DOCK7: variants seen among roughly 807,000 people sequenced by gnomAD.
DOCK7 encodes the protein dedicator of cytokinesis 7, also known as dedicator of cytokinesis protein 7.
In DOCK7, 138 loss-of-function variants were observed where a neutral mutation model predicts 271.0. The ratio of observed to expected loss-of-function variants is 0.51; its 90% CI spans 0.44 to 0.59. The LOEUF (loss-of-function observed/expected upper bound fraction) is 0.59. DOCK7 is among the 20% of genes least tolerant of loss of function. DOCK7 has a pLI of 0.00. For missense variants in DOCK7, 2,066 were observed against 2,592.4 expected (o/e 0.80, Z 4.41); for synonymous variants, 823 against 876.1 (o/e 0.94, Z 1.07).
chr1:62,601,288 A>C (rs1006595857), intron 14 of DOCK7: 12 of 905,044 alleles, frequency 1.3e-5, no homozygotes, highest in African/African-American at 3.3e-5. Flanking sequence ...TAGTTAAGAG[A>C]TATCCATCAA....
intron 19 of DOCK7, among the ~76,000 whole-genome samples, chr1:62,561,157 A>G (rs56094630): frequency 0.037 from 5,584 of 152,268 alleles, 255 homozygotes; most frequent in African/African-American, 0.11. Flanking sequence ...ACTCCAATTC[A>G]TAAGTCAAAT....
Position 62,648,310 on chromosome 1 carries a change from A to T in DOCK7, c.528T>A (p.Leu176=), listed in dbSNP as rs371502523. 1.0e-5 allele frequency: 16 copies of T among 1,602,624 alleles called. No homozygotes were observed. The highest frequency in any genetic ancestry group is 1.2e-5 in the Non-Finnish European group (14 of 1,173,774). ...CATCTATTGACATTGAACGTCTTTTAAGGTCATCCTGTCATGCAAAACATT... is the reference window on the plus strand; with the variant it reads ...CATCTATTGACATTGAACGTCTTTTTAGGTCATCCTGTCATGCAAAACATT... The part of the protein sequence containing the change: ...GNSYQDDQDD[L]KRRSMSIDDT... The change falls in exon 6 of 50, where the codon CTT becomes CTA. Residue 176 remains leucine, a synonymous_variant. Transcript: ENST00000635253.
chr1:62,670,482 G>A (rs1324833940), intron 1 of DOCK7, among the ~76,000 whole-genome samples: 3 of 152,178 alleles, frequency 2.0e-5, no homozygotes, highest in African/African-American at 4.8e-5. Context: ...CTGCTCTGGT[G>A]AGGACGTGGA....
chr1:62,668,852 G>C (rs1200357965), intron 1 of DOCK7, among the ~76,000 whole-genome samples: 1 of 151,400 alleles, frequency 6.6e-6, no homozygotes, highest in Non-Finnish European at 1.5e-5. Flanking sequence ...TTGAGCCCAG[G>C]AGGTCAAGGC....
At chr1:62,457,749 T>C in intron 48 of DOCK7, 44 bp from the exon 49 acceptor site, 1 of 1,590,720 alleles carries the variant, frequency 6.3e-7, no homozygotes, top group Admixed American at 1.8e-5. Flanking sequence ...TCTGGCATAG[T>C]TTGTGGGTTT....
intron 7 of DOCK7, among the ~76,000 whole-genome samples, chr1:62,646,018 G>A (rs1190600476): frequency 6.6e-6 from 1 of 151,944 alleles, no homozygotes; most frequent in Non-Finnish European, 1.5e-5. Context: ...GTGGTGACAT[G>A]CACCTGTAAT....
chr1:62,588,694 G>A (rs1378169169), intron 14 of DOCK7, among the ~76,000 whole-genome samples: 1 of 151,958 alleles, frequency 6.6e-6, no homozygotes, highest in African/African-American at 2.4e-5. Context: ...TATGAAATTA[G>A]TAGACGATGA....
intron 41 of DOCK7, chr1:62,492,394 T>A (rs1646493317): frequency 7.3e-6 from 2 of 272,750 alleles, no homozygotes; most frequent in South Asian, 4.2e-5. Flanking sequence ...GCTCAAGCAA[T>A]CCTCCCACCT....
intron 22 of DOCK7, among the ~76,000 whole-genome samples, chr1:62,548,057 T>C (rs537225186): frequency 6.6e-6 from 1 of 152,230 alleles, no homozygotes; most frequent in African/African-American, 2.4e-5. Flanking sequence ...AAATATCTAC[T>C]GAGCACCTTG....
intron 8 of DOCK7, chr1:62,635,160 T>G (rs895858693): frequency 1.6e-5 from 5 of 305,134 alleles, no homozygotes; most frequent in Non-Finnish European, 1.8e-5. Context: ...TATCTACAGA[T>G]AGTAGGATAT....
rs150747154 is a variant in DOCK7 at position 62,572,324 on chromosome 1, C to T, written c.2112+4938G>A. Among the ~76,000 whole-genome samples the T allele has an allele frequency of 2.9e-4, 44 of 152,268 alleles. No individual in the cohort carries two copies. The East Asian group carries it at 8.1e-3, about 28-fold the overall frequency. On this transcript the variant is annotated intron_variant, in intron 18 of 49. Coordinates refer to ENST00000635253, the MANE Select transcript of DOCK7 (RefSeq NM_001367561.1). ...ATGGTGTAATAGTAGCAAACACTTC[C>T]GTAGCACTTTCCAAGTGCCTGGCAC...
At chr1:62,600,031 CAT>C (rs1287519674) in intron 14 of DOCK7, among the ~76,000 whole-genome samples, 2 of 151,850 alleles carry the variant, frequency 1.3e-5, no homozygotes, top group African/African-American at 4.8e-5. Context: ...ACTAAACAAA[CAT>C]AATGTTAGTA....
At chr1:62,501,992 A>T (rs1646797863) in intron 37 of DOCK7, among the ~76,000 whole-genome samples, 1 of 152,182 alleles carries the variant, frequency 6.6e-6, no homozygotes, top group Non-Finnish European at 1.5e-5. Flanking sequence ...TCAATTTTTT[A>T]AACCATTCAA....
At chr1:62,485,524 T>C in intron 43 of DOCK7, 1 of 985,426 alleles carries the variant, frequency 1.0e-6, no homozygotes, top group Non-Finnish European at 1.2e-6. Flanking sequence ...CAGATTATCC[T>C]TACTGGACTT....
rs375975354 is a variant in DOCK7, at chr1:62,518,897, C to T, written c.3937-4999G>A. Among the ~76,000 whole-genome samples the T allele has an allele frequency of 2.6e-5, 4 of 151,456 alleles. No homozygotes were observed. In the East Asian group the frequency reaches 5.8e-4, roughly 22 times the overall value. ...AACTCTAGTGAAAGAGAGAGATTAA[C>T]AAACCAGATTTTTAAGATACAAGAA... On this transcript the variant is annotated intron_variant, in intron 31 of 49. Coordinates refer to ENST00000635253, the MANE Select transcript of DOCK7 (RefSeq NM_001367561.1).
chr1:62,685,826 G>C (rs1661658870), intron 1 of DOCK7, among the ~76,000 whole-genome samples: 2 of 152,142 alleles, frequency 1.3e-5, no homozygotes, highest in Non-Finnish European at 2.9e-5. Flanking sequence ...AGACTCCTCA[G>C]TCCGCCTCAC....
rs1252344753 is a variant in DOCK7, at chr1:62,539,554, G to C, written c.3291C>G (p.Cys1097Trp). The stretch of plus-strand genomic sequence containing the variant: ...CCTAACTATGCATTACCTGTTTATA[G>C]CAGGACTTTATAAGGCTAAAAACAA... The part of the protein sequence containing the change: ...RGFVFSLIKS[C>W]YKQVSSKLYS... The change falls in exon 27 of 50, where the codon TGC becomes TGG. Residue 1097 changes from cysteine to tryptophan, a missense_variant. Physicochemically the swap from Cys to Trp is radical, Grantham distance 215 (BLOSUM62 -2). Coordinates refer to ENST00000635253, the MANE Select transcript of DOCK7 (RefSeq NM_001367561.1). 1 of 1,608,398 alleles carries C rather than the reference G, an allele frequency of 6.2e-7. No homozygotes were observed. The highest frequency in any genetic ancestry group is 2.2e-5 in the East Asian group (1 of 44,814).
intron 18 of DOCK7, among the ~76,000 whole-genome samples, chr1:62,571,479 T>C (rs994639954): frequency 6.6e-6 from 1 of 152,166 alleles, no homozygotes; most frequent in African/African-American, 2.4e-5. Flanking sequence ...TCAATAATTG[T>C]GGAAAACATT....
At chr1:62,609,695 A>G (rs1284401501) in intron 14 of DOCK7, 1 of 152,198 alleles carries the variant, frequency 6.6e-6, no homozygotes, top group Non-Finnish European at 1.5e-5. Flanking sequence ...TGCCCTTCTC[A>G]GAGTTTGCAT....
Sources: gnomAD v4.1 joint callset for allele counts (sites outside exome capture counted in the v4.1 genomes callset) on GRCh38, gnomAD v4.1.1 for gene constraint, MANE v1.5 for transcripts, NCBI Gene and HGNC (gene_info 2026-07-23, HGNC 2026-07-21) for gene names.